Variants in MAGI2 observed in about 807,000 individuals in gnomAD.
MAGI2 encodes membrane associated guanylate kinase, WW and PDZ domain containing 2.
Under a neutral mutation model 133.3 loss-of-function variants are expected in MAGI2, and 35 were observed. The observed-to-expected ratio is 0.26, with a 90% CI of 0.20 to 0.35. The LOEUF (loss-of-function observed/expected upper bound fraction) is 0.35. Ranked by LOEUF, MAGI2 falls within the 10% of genes least tolerant of loss-of-function variation. The pLI, the probability that MAGI2 is intolerant of heterozygous loss-of-function variation, is 1.00. For missense variants in MAGI2, 1,636 were observed against 1,863.4 expected (o/e 0.88, Z 2.25); for synonymous variants, 729 against 710.6 (o/e 1.03, Z -0.41).
Position 78,557,885 on chromosome 7 carries a change from C to T in MAGI2, c.539-36240G>A, listed in dbSNP as rs142141276. Among the ~76,000 whole-genome samples, 491 of 152,130 alleles carry T rather than the reference C, an allele frequency of 3.2e-3. 3 individuals carry two copies. The highest frequency in any genetic ancestry group is 0.011 in the African/African-American group (469 of 41,510). ...GTACATGTAAGAAAAGGATTTCAAA[C>T]TTAGAGCACAAATGTCATCTCTATA... On this transcript the variant is annotated intron_variant, in intron 3 of 21. Coordinates refer to ENST00000354212, the MANE Select transcript of MAGI2 (RefSeq NM_012301.4).
At chr7:79,342,781 CAG>C (rs1840997612) in intron 1 of MAGI2, among the ~76,000 whole-genome samples, 1 of 151,904 alleles carries the variant, frequency 6.6e-6, no homozygotes, top group African/African-American at 2.4e-5. Context: ...ATTTTTGAGA[CAG>C]AGTTTCGCTT....
intron 2 of MAGI2, among the ~76,000 whole-genome samples, chr7:78,909,851 C>G (rs1196824159): frequency 6.6e-6 from 1 of 152,062 alleles, no homozygotes; most frequent in Non-Finnish European, 1.5e-5. Flanking sequence ...TTTATTGCAG[C>G]ACTGTTTACA....
intron 1 of MAGI2, among the ~76,000 whole-genome samples, chr7:79,040,311 A>G (rs760288801): frequency 1.3e-5 from 2 of 152,026 alleles, no homozygotes; most frequent in Admixed American, 1.3e-4. Flanking sequence ...GCCATTCTGA[A>G]CTGTGAGTCA....
chr7:78,395,469 C>T (rs1007378376), intron 6 of MAGI2, among the ~76,000 whole-genome samples: 3 of 152,112 alleles, frequency 2.0e-5, no homozygotes, highest in Admixed American at 2.0e-4. Context: ...CATCCAGCTC[C>T]TTAAGGTCAC....
At chr7:78,656,123 A>T (rs1812250272) in intron 2 of MAGI2, among the ~76,000 whole-genome samples, 1 of 152,180 alleles carries the variant, frequency 6.6e-6, no homozygotes, top group African/African-American at 2.4e-5. Flanking sequence ...CCATTATACT[A>T]GAGTGGTCAA....
intron 2 of MAGI2, among the ~76,000 whole-genome samples, chr7:78,739,932 G>A (rs553731636): frequency 1.3e-5 from 2 of 152,232 alleles, no homozygotes; most frequent in Admixed American, 1.3e-4. Context: ...GCCGAGGCGG[G>A]CGGATCACGA....
chr7:78,354,201 T>A (rs1016519316), intron 7 of MAGI2, among the ~76,000 whole-genome samples: 1 of 152,210 alleles, frequency 6.6e-6, no homozygotes, highest in African/African-American at 2.4e-5. Context: ...CATTTCTGTG[T>A]ACAAGGAAGG....
chr7:78,687,380 G>C lies in MAGI2; in HGVS notation c.419-60141C>G, dbSNP rs139767062. On this transcript the variant is annotated intron_variant, in intron 2 of 21. Coordinates refer to ENST00000354212, the MANE Select transcript of MAGI2 (RefSeq NM_012301.4). ...AGATAAACTGTATTTTAAAATACAT[G>C]TGTGAAATGTTGTTACAGGATTCAT... Among the ~76,000 whole-genome samples the C allele has an allele frequency of 2.5e-3, 387 of 152,256 alleles. 3 individuals are homozygous for C. The highest frequency in any genetic ancestry group is 8.7e-3 in the African/African-American group (360 of 41,544).
chr7:79,442,559 CAAAGCATAGG>C (rs919333856), intron 1 of MAGI2, among the ~76,000 whole-genome samples: 39 of 151,514 alleles, frequency 2.6e-4, no homozygotes, highest in Admixed American at 2.1e-3. Flanking sequence ...TGAAGAAGAG[CAAAGCATAGG>C]AACTTCCAAC....
chr7:78,497,693 A>C (rs927850189), intron 5 of MAGI2, among the ~76,000 whole-genome samples: 1 of 145,928 alleles, frequency 6.9e-6, no homozygotes, highest in African/African-American at 2.5e-5. Context: ...TTCACTGTAG[A>C]GTTCCTTTAT....
At chr7:78,627,617 CTGCTG>C in intron 2 of MAGI2, among the ~76,000 whole-genome samples, 1 of 152,268 alleles carries the variant, frequency 6.6e-6, no homozygotes, top group East Asian at 1.9e-4. Context: ...GTCCTGCAGA[CTGCTG>C]TGCTATGACA....
intron 21 of MAGI2, among the ~76,000 whole-genome samples, chr7:78,074,162 G>A (rs1815024862): frequency 6.6e-6 from 1 of 152,164 alleles, no homozygotes; most frequent in South Asian, 2.1e-4. Context: ...ATTGGCTGAG[G>A]TGGCACCTGA....
intron 2 of MAGI2, among the ~76,000 whole-genome samples, chr7:78,989,340 A>G (rs1248078185): frequency 6.6e-6 from 1 of 152,076 alleles, no homozygotes; most frequent in Non-Finnish European, 1.5e-5. Flanking sequence ...CTTATACACC[A>G]GTAGGAAAAG....
chr7:78,929,028 G>T (rs1418768894), intron 2 of MAGI2, among the ~76,000 whole-genome samples: 1 of 151,802 alleles, frequency 6.6e-6, no homozygotes, highest in East Asian at 1.9e-4. Context: ...CTCTCTCAGA[G>T]GTTAAAAAAT....
At chr7:79,296,364 G>A (rs1449893997) in intron 1 of MAGI2, among the ~76,000 whole-genome samples, 2 of 152,152 alleles carry the variant, frequency 1.3e-5, no homozygotes, top group Middle Eastern at 3.2e-3. Context: ...AATCAGTTGT[G>A]TTGAAAAGAT....
intron 15 of MAGI2, among the ~76,000 whole-genome samples, chr7:78,165,011 A>G (rs1825484842): frequency 6.6e-6 from 1 of 152,254 alleles, no homozygotes; most frequent in Non-Finnish European, 1.5e-5. Flanking sequence ...ATGCAAGGTG[A>G]AAGTGTGTGC....
chr7:78,871,621 T>C (rs1795035831), intron 2 of MAGI2, among the ~76,000 whole-genome samples: 1 of 152,018 alleles, frequency 6.6e-6, no homozygotes, highest in Admixed American at 6.5e-5. Context: ...ATGCTAATTA[T>C]TGAAAATCTA....
chr7:78,705,265 T>C (rs1381705317), intron 2 of MAGI2, among the ~76,000 whole-genome samples: 3 of 151,996 alleles, frequency 2.0e-5, no homozygotes, highest in Non-Finnish European at 4.4e-5. Context: ...TGATGGTTTA[T>C]AAGGGGCTCT....
chr7:79,047,305 T>C (rs780025361), intron 1 of MAGI2, among the ~76,000 whole-genome samples: 14 of 152,132 alleles, frequency 9.2e-5, no homozygotes, highest in Non-Finnish European at 2.1e-4. Flanking sequence ...ACAATGTGTA[T>C]AATGTGCTAA....
Sources: gnomAD v4.1 joint callset for allele counts (sites outside exome capture counted in the v4.1 genomes callset) on GRCh38, gnomAD v4.1.1 for gene constraint, MANE v1.5 for transcripts, NCBI Gene and HGNC (gene_info 2026-07-23, HGNC 2026-07-21) for gene names.